Variants in SEMA5A observed in about 807,000 individuals in gnomAD.
The protein encoded by SEMA5A is semaphorin-5A.
In SEMA5A, 55 loss-of-function variants were observed where a neutral mutation model predicts 135.5. The observed-to-expected ratio is 0.41, with a 90% confidence interval of 0.33 to 0.51. The LOEUF (loss-of-function observed/expected upper bound fraction) is 0.51. Among genes scored for constraint, SEMA5A ranks in the 20% least tolerant of loss-of-function variants. The pLI is 0.37. For synonymous variants in SEMA5A, 580 were observed against 546.5 expected, an observed-to-expected ratio of 1.06 and a Z score of -0.85; for missense variants, 1,290 against 1,419.9, an observed-to-expected ratio of 0.91 and a Z score of 1.47.
In SEMA5A at chr5:9,042,741, A is replaced by T. The variant is rs1459062537; in HGVS notation, c.*156T>A. Reference sequence around the variant, plus strand: ...ATTTCAATTTTTGTTGCTTTTAAAGACGTGTATTTTTGGCAGCAATGGGAC... The same window carrying T: ...ATTTCAATTTTTGTTGCTTTTAAAGTCGTGTATTTTTGGCAGCAATGGGAC... On this transcript the variant is annotated 3_prime_UTR_variant, in exon 23 of 23. Transcript: ENST00000382496. 6 of 772,948 alleles carry T rather than the reference A, an allele frequency of 7.8e-6. No homozygotes were observed. The Admixed American group carries it at 9.0e-5, about 12-fold the overall frequency. The allele number at this position is 772,948 out of a possible 1,614,324, so 47.9% of individuals were successfully genotyped here.
intron 5 of SEMA5A, among the ~76,000 whole-genome samples, chr5:9,309,496 C>T (rs1752024673): frequency 6.6e-6 from 1 of 152,104 alleles, no homozygotes; most frequent in African/African-American, 2.4e-5. Context: ...GGATGCACTT[C>T]CTGGCATGGC....
chr5:9,323,112 C>T, intron 4 of SEMA5A, among the ~76,000 whole-genome samples: 1 of 152,288 alleles, frequency 6.6e-6, no homozygotes, highest in Non-Finnish European at 1.5e-5. Flanking sequence ...GAACAACTCC[C>T]TGCCCATACC....
intron 5 of SEMA5A, among the ~76,000 whole-genome samples, chr5:9,300,350 A>G (rs1751558194): frequency 6.6e-6 from 1 of 152,124 alleles, no homozygotes; most frequent in African/African-American, 2.4e-5. Flanking sequence ...TTCTAATGCC[A>G]TGTCCTGGGT....
At chr5:9,397,456 C>T (rs767943601) in intron 2 of SEMA5A, among the ~76,000 whole-genome samples, 2 of 152,088 alleles carry the variant, frequency 1.3e-5, no homozygotes, top group African/African-American at 2.4e-5. Flanking sequence ...ATTTAATCAA[C>T]GTAAAACACT....
intron 1 of SEMA5A, among the ~76,000 whole-genome samples, chr5:9,468,359 C>G (rs1759342851): frequency 6.6e-6 from 1 of 152,128 alleles, no homozygotes; most frequent in Non-Finnish European, 1.5e-5. Flanking sequence ...GGACCAGCTT[C>G]CCTAGGGCTC....
Position 9,224,898 on chromosome 5 carries a change from G to C in SEMA5A, c.433-11C>G. 1 of 1,607,858 alleles carries C rather than the reference G, an allele frequency of 6.2e-7. No homozygotes were observed. Among genetic ancestry groups the C allele is most frequent in the Non-Finnish European group, 8.5e-7 (1 of 1,176,218 alleles). ...AGTCAGGTTGCTCAACTGTGGGGGA[G>C]GATGAGAGGGAAAGCAGTTATCTCT... On this transcript the variant is annotated splice_polypyrimidine_tract_variant and intron_variant, in intron 7 of 22. Transcript: ENST00000382496.
chr5:9,413,391 A>G (rs1406970465), intron 2 of SEMA5A, among the ~76,000 whole-genome samples: 3 of 152,204 alleles, frequency 2.0e-5, no homozygotes, highest in Non-Finnish European at 4.4e-5. Flanking sequence ...AAAGATTTTG[A>G]AAGTTTAGGC....
rs574945530 is a variant in SEMA5A, at chr5:9,418,896, C to T, written c.-78+18860G>A. Among the ~76,000 whole-genome samples the T allele has an allele frequency of 5.3e-5, 8 of 152,244 alleles. No individual in the cohort carries two copies. In the South Asian group the frequency reaches 8.3e-4, roughly 16 times the overall value. On this transcript the variant is annotated intron_variant, in intron 2 of 22. Coordinates refer to ENST00000382496, the MANE Select transcript of SEMA5A (RefSeq NM_003966.3). ...CCAATTTTAGTCATTTATTTTCTTC[C>T]GCTAGCTTTCAGGTTGATGTGTTCT... is the stretch of plus-strand genomic sequence containing the variant.
rs1425375209 is a variant in SEMA5A at position 9,102,047 on chromosome 5, AC to A, written c.2073+6092del. 1.1e-4 allele frequency among the ~76,000 whole-genome samples: 16 copies of A among 152,320 alleles called. No individual in the cohort carries two copies. In the East Asian group the frequency reaches 2.3e-3, roughly 22 times the overall value. ...ACTTTTCATATATCTCTTCATAACA[AC>A]CCACCTGCCATCTAAGGCAGGACTA... On this transcript the variant is annotated intron_variant, in intron 16 of 22. Coordinates refer to ENST00000382496, the MANE Select transcript of SEMA5A (RefSeq NM_003966.3).
At chr5:9,482,189 C>T (rs1759903800) in intron 1 of SEMA5A, among the ~76,000 whole-genome samples, 1 of 152,090 alleles carries the variant, frequency 6.6e-6, no homozygotes, top group Admixed American at 6.5e-5. Flanking sequence ...CTGAACAGTA[C>T]CTGACATTTC....
At chr5:9,453,410 T>A (rs1360233318) in intron 1 of SEMA5A, among the ~76,000 whole-genome samples, 1 of 152,170 alleles carries the variant, frequency 6.6e-6, no homozygotes. Flanking sequence ...TTTTGCACTC[T>A]TGTACTTTTT....
chr5:9,469,228 T>C (rs1759384687), intron 1 of SEMA5A, among the ~76,000 whole-genome samples: 3 of 152,106 alleles, frequency 2.0e-5, no homozygotes, highest in Admixed American at 2.0e-4. Flanking sequence ...AGGCTGGTCT[T>C]GAACTCCTGA....
chr5:9,518,330 A>G (rs1035374205), intron 1 of SEMA5A, among the ~76,000 whole-genome samples: 2 of 152,230 alleles, frequency 1.3e-5, no homozygotes, highest in African/African-American at 4.8e-5. Context: ...GGTAAAAGGC[A>G]TATTCTTTTG....
At chr5:9,090,033 A>T (rs1351921399) in intron 16 of SEMA5A, among the ~76,000 whole-genome samples, 1 of 152,188 alleles carries the variant, frequency 6.6e-6, no homozygotes, top group Non-Finnish European at 1.5e-5. Context: ...GTGTGTATAC[A>T]TGTGTAATTT....
chr5:9,459,603 C>T (rs1330329143), intron 1 of SEMA5A, among the ~76,000 whole-genome samples: 2 of 152,200 alleles, frequency 1.3e-5, no homozygotes, highest in Non-Finnish European at 2.9e-5. Context: ...AGTCAACTGT[C>T]CTTGATTGCA....
intron 1 of SEMA5A, among the ~76,000 whole-genome samples, chr5:9,459,144 T>C (rs59205202): frequency 0.02 from 3,088 of 152,266 alleles, 98 homozygotes; most frequent in African/African-American, 0.071. Flanking sequence ...ATTACACTAT[T>C]TTCTTTAAAA....
intron 5 of SEMA5A, among the ~76,000 whole-genome samples, chr5:9,276,619 T>C (rs528530440): frequency 2.0e-5 from 3 of 151,872 alleles, no homozygotes; most frequent in African/African-American, 4.8e-5. Context: ...CATATATATA[T>C]ACCAATGGAA....
chr5:9,428,063 T>C (rs1757721958), intron 2 of SEMA5A, among the ~76,000 whole-genome samples: 1 of 146,596 alleles, frequency 6.8e-6, no homozygotes, highest in Admixed American at 6.9e-5. Context: ...ATTACATATA[T>C]GTGTGTAAAT....
intron 3 of SEMA5A, among the ~76,000 whole-genome samples, chr5:9,362,652 C>CA (rs982549721): frequency 2.0e-5 from 3 of 152,048 alleles, no homozygotes; most frequent in African/African-American, 7.2e-5. Flanking sequence ...AATTATATCC[C>CA]AAAAAAAGAG....
Sources: allele counts gnomAD v4.1 joint callset (sites outside exome capture counted in the v4.1 genomes callset), GRCh38; gene constraint gnomAD v4.1.1; transcripts MANE v1.5; gene names NCBI Gene and HGNC (gene_info 2026-07-23, HGNC 2026-07-21).